Variants in ADAMTS4 observed in about 807,000 individuals in gnomAD.
ADAMTS4 encodes A disintegrin and metalloproteinase with thrombospondin motifs 4.
Under a neutral mutation model 66.7 loss-of-function variants are expected in ADAMTS4, and 38 were observed. The ratio of observed to expected loss-of-function variants is 0.57; its 90% CI spans 0.44 to 0.75. The LOEUF (loss-of-function observed/expected upper bound fraction) is 0.75, where lower values mean the gene tolerates loss of function less well. Ranked by LOEUF, ADAMTS4 falls within the 30% of genes least tolerant of loss-of-function variation. The probability of loss-of-function intolerance (pLI) is 0.00; values close to 1 mark genes in which losing one functional copy is unlikely to be tolerated. For synonymous variants in ADAMTS4, 418 were observed against 461.5 expected (o/e 0.91, Z 1.21); for missense variants, 1,014 against 1,116.7 (o/e 0.91, Z 1.31).
Position 161,193,699 on chromosome 1 carries a change from C to T in ADAMTS4, c.1676G>A (p.Cys559Tyr). ...RPVPRNGGKY[C>Y]EGRRTRFRSC... is the part of the protein sequence containing the mutation. ...GCGGAAGCGGGTACGGCGGCCCTCACAGTACTTGCCACCATTCCGGGGGAC... is the reference window on the plus strand; with the variant it reads ...GCGGAAGCGGGTACGGCGGCCCTCATAGTACTTGCCACCATTCCGGGGGAC... The change falls in exon 6 of 9, where the codon TGT becomes TAT. Residue 559 changes from cysteine to tyrosine, a missense_variant. Cys to Tyr is a radical substitution (Grantham distance 194, BLOSUM62 -2). Transcript: ENST00000367996. The surrounding 1 kb of genome is among the most constrained non-coding windows in gnomAD (Gnocchi z 4.4). The T allele has an allele frequency of 1.2e-6, 2 of 1,614,106 alleles. No homozygotes were observed. The highest frequency in any genetic ancestry group is 8.5e-7 in the Non-Finnish European group (1 of 1,180,004).
Position 161,194,195 on chromosome 1 carries a change from C to T in ADAMTS4, c.1288G>A (p.Ala430Thr), listed in dbSNP as rs565674258. The change falls in exon 5 of 9, where the codon GCT (alanine) becomes ACT (threonine). Residue 430 changes from alanine (A) to threonine (T), a missense_variant. Transcript: ENST00000367996. This position sits in a 1 kb window ranked among gnomAD's most constrained non-coding sequence, Gnocchi z 4.1. ...AAAGTCACAGGCAGATGCAATGGAG[C>T]CTCTGGTTTGTCTAAGAGACAGTGC... ...YGHCLLDKPE[A>T]PLHLPVTFPG... 72 of 1,614,006 alleles carry T rather than the reference C, an allele frequency of 4.5e-5. 1 individual carries two copies. In the South Asian group the frequency reaches 7.9e-4, roughly 18 times the overall value.
chr1:161,196,520 T>G, intron 2 of ADAMTS4, 37 bp downstream of exon 2: 1 of 1,599,600 alleles, frequency 6.3e-7, no homozygotes, highest in Non-Finnish European at 8.5e-7. Flanking sequence ...CTTAGAATTG[T>G]GCAGTGCATG....
At position 161,196,814 on chromosome 1, in the gene ADAMTS4, G is replaced by A. The variant is rs1182057267; in HGVS notation, c.700C>T (p.His234Tyr). ...AGGTAGCGCTTTAGCCCCGCACCGTGGAATGCGGCCATCTTGTCATCTGCC... is the reference window on the plus strand; with the variant it reads ...AGGTAGCGCTTTAGCCCCGCACCGTAGAATGCGGCCATCTTGTCATCTGCC... ...VVADDKMAAF[H>Y]GAGLKRYLLT... Residue 234 changes from histidine to tyrosine, a missense_variant, in exon 2 of 9, where the codon CAC (histidine) becomes TAC (tyrosine). Coordinates refer to ENST00000367996, the MANE Select transcript of ADAMTS4 (RefSeq NM_005099.6). 1 of 1,610,902 alleles carries A rather than the reference G, an allele frequency of 6.2e-7. No individual in the cohort carries two copies. The highest frequency in any genetic ancestry group is 8.5e-7 in the Non-Finnish European group (1 of 1,179,904).
At position 161,192,217 on chromosome 1, in the gene ADAMTS4, G is replaced by A. The variant is rs1664700993; in HGVS notation, c.1935C>T (p.Ser645=). ...GGACACAGACCGAGGAGCTGTCCGG[G>A]GAACAGGGGGTCCCATCTACCACCT... is the stretch of plus-strand genomic sequence containing the variant. The part of the protein sequence containing the change: ...EPRVVDGTPC[S]PDSSSVCVQG... Residue 645 remains serine (S), a synonymous_variant, in exon 8 of 9, where the codon TCC becomes TCT. Coordinates refer to ENST00000367996, the MANE Select transcript of ADAMTS4 (RefSeq NM_005099.6). 1 of 1,613,748 alleles carries A rather than the reference G, an allele frequency of 6.2e-7. No individual in the cohort carries two copies. The highest frequency in any genetic ancestry group is 1.7e-5 in the Admixed American group (1 of 59,976).
At position 161,193,572 on chromosome 1, in the gene ADAMTS4, C is replaced by A; in HGVS notation, c.1735+68G>T. ...GGGAATCAACACCCCCTTGGTCTTG[C>A]ACTCAAGGGACAGTCCTTCCTGCTC... On this transcript the variant is annotated intron_variant, in intron 6 of 8. Transcript: ENST00000367996. The surrounding 1 kb of genome is among the most constrained non-coding windows in gnomAD (Gnocchi z 4.4). The A allele has an allele frequency of 6.5e-7, 1 of 1,543,080 alleles. No homozygotes were observed. Among genetic ancestry groups the A allele is most frequent in the Non-Finnish European group, 8.8e-7 (1 of 1,140,824 alleles).
At chr1:161,192,342 G>T in intron 7 of ADAMTS4, 102 bp from the exon 8 acceptor site, 1 of 1,188,598 alleles carries the variant, frequency 8.4e-7, no homozygotes, top group South Asian at 1.6e-5. Context: ...AATGTTGTCG[G>T]AAAAGTTGGA....
chr1:161,192,326 G>T, intron 7 of ADAMTS4, 86 bp from the exon 8 acceptor site: 1 of 1,373,274 alleles, frequency 7.3e-7, no homozygotes, highest in Non-Finnish European at 9.9e-7. Context: ...GTCCCATCAG[G>T]GAAGCAATGT....
chr1:161,197,789 C>A (rs920292702), intron 1 of ADAMTS4, among the ~76,000 whole-genome samples: 6 of 151,950 alleles, frequency 3.9e-5, no homozygotes, highest in African/African-American at 1.2e-4. Context: ...CTCTGAGAAC[C>A]CTCGGTGGGT....
At position 161,198,810 on chromosome 1, in the gene ADAMTS4, G is replaced by C. The variant is rs978322811; in HGVS notation, c.-183C>G. The C allele has an allele frequency of 1.7e-5, 10 of 573,128 alleles. No individual in the cohort carries two copies. The highest frequency in any genetic ancestry group is 2.7e-5 in the Non-Finnish European group (9 of 338,882). 35.5% of individuals were successfully genotyped at this position (573,128 alleles called of 1,614,324 possible). On this transcript the variant is annotated 5_prime_UTR_variant, in exon 1 of 9. Coordinates refer to ENST00000367996, the MANE Select transcript of ADAMTS4 (RefSeq NM_005099.6). The surrounding 1 kb of genome is among the most constrained non-coding windows in gnomAD (Gnocchi z 4.7). Reference sequence around the variant, plus strand: ...TGGAGAAAACTTAGTCCTTGGGCTTGGGAGAGGTGCCCAGGGGTCTGGCTT... The same window carrying C: ...TGGAGAAAACTTAGTCCTTGGGCTTCGGAGAGGTGCCCAGGGGTCTGGCTT...
At chr1:161,197,924 G>T in intron 1 of ADAMTS4, 71 bp downstream of exon 1, 1 of 1,508,156 alleles carries the variant, frequency 6.6e-7, no homozygotes. Flanking sequence ...GGTGGAGAGA[G>T]GGTGAATAGG....
chr1:161,186,006 A>T lies in ADAMTS4; in HGVS notation c.*5132T>A, dbSNP rs1399872469. 6.6e-6 allele frequency: 1 copy of T among 152,134 alleles called. No homozygotes were observed. Among genetic ancestry groups the T allele is most frequent in the Non-Finnish European group, 1.5e-5 (1 of 68,018 alleles). The allele number at this position is 152,134 out of a possible 1,614,324, so 9.4% of individuals were successfully genotyped here. A position where few individuals can be genotyped will look rare whatever the true frequency, so the allele number is the denominator to read the frequency against. ...AAATGGTTGTCCAAACTCTTCTTGA[A>T]CTTCTCTAGGGACAGGGTTCTAATC... is the stretch of plus-strand genomic sequence containing the variant. On this transcript the variant is annotated 3_prime_UTR_variant, in exon 9 of 9. Coordinates refer to ENST00000367996, the MANE Select transcript of ADAMTS4 (RefSeq NM_005099.6).
In ADAMTS4 at chr1:161,193,598, T is replaced by C; in HGVS notation, c.1735+42A>G. 6.3e-7 allele frequency: 1 copy of C among 1,576,208 alleles called. No homozygotes were observed. On this transcript the variant is annotated intron_variant, in intron 6 of 8. Transcript: ENST00000367996. This position sits in a 1 kb window ranked among gnomAD's most constrained non-coding sequence, Gnocchi z 4.4. ...ACTCAAGGGACAGTCCTTCCTGCTC[T>C]ACTGTCCCCTCCCAAGGGCTCCCAT...
At chr1:161,192,313 C>G in intron 7 of ADAMTS4, 73 bp from the exon 8 acceptor site, 1 of 1,456,200 alleles carries the variant, frequency 6.9e-7, no homozygotes, top group South Asian at 1.3e-5. Flanking sequence ...AAACGAGACC[C>G]ATGTCCCATC....
At position 161,190,040 on chromosome 1, in the gene ADAMTS4, T is replaced by G. The variant is rs1268046807; in HGVS notation, c.*1098A>C. 1 of 151,774 alleles carries G rather than the reference T, an allele frequency of 6.6e-6. No homozygotes were observed. The highest frequency in any genetic ancestry group is 1.5e-5 in the Non-Finnish European group (1 of 68,036). 9.4% of individuals were successfully genotyped at this position (151,774 alleles called of 1,614,324 possible). A position where few individuals can be genotyped will look rare whatever the true frequency, so the allele number is the denominator to read the frequency against. On this transcript the variant is annotated 3_prime_UTR_variant, in exon 9 of 9. Coordinates refer to ENST00000367996, the MANE Select transcript of ADAMTS4 (RefSeq NM_005099.6). The stretch of plus-strand genomic sequence containing the variant: ...CTGGCCAACATGGTGAAACCCTGTC[T>G]CTACTAAAAATACAAAAATTAGTTG...
rs1025465695 is a variant in ADAMTS4, at chr1:161,198,595, G to A, written c.33C>T (p.Gly11=). 3.2e-6 allele frequency: 5 copies of A among 1,541,354 alleles called. No homozygotes were observed. Among genetic ancestry groups the A allele is most frequent in the Non-Finnish European group, 4.4e-6 (5 of 1,141,764 alleles). Reference sequence around the variant, plus strand: ...CTCCCCACAGCCAGCGCCCTGCCAAGCCCCTCCCGGGATGCGAGCCTGTCT... The same window carrying A: ...CTCCCCACAGCCAGCGCCCTGCCAAACCCCTCCCGGGATGCGAGCCTGTCT... MSQTGSHPGR[G]LAGRWLWGAQ... Residue 11 remains glycine (G), a synonymous_variant, in exon 1 of 9, where the codon GGC becomes GGT. Coordinates refer to ENST00000367996, the MANE Select transcript of ADAMTS4 (RefSeq NM_005099.6). The surrounding 1 kb of genome is among the most constrained non-coding windows in gnomAD (Gnocchi z 4.7).
At position 161,191,019 on chromosome 1, in the gene ADAMTS4, T is replaced by G. The variant is rs1571575704; in HGVS notation, c.*119A>C. The G allele has an allele frequency of 8.5e-7, 1 of 1,181,922 alleles. No individual in the cohort carries two copies. 73.2% of individuals were successfully genotyped at this position (1,181,922 alleles called of 1,614,324 possible). On this transcript the variant is annotated 3_prime_UTR_variant, in exon 9 of 9. Coordinates refer to ENST00000367996, the MANE Select transcript of ADAMTS4 (RefSeq NM_005099.6). ...CATTAGGGCAGAGAGGAGGGGCAGG[T>G]CTCACGCCCACAGCCCCTCCCCACT...
In ADAMTS4 at chr1:161,185,907, T is replaced by A. The variant is rs1664533102; in HGVS notation, c.*5231A>T. On this transcript the variant is annotated 3_prime_UTR_variant, in exon 9 of 9. Transcript: ENST00000367996. ...CAGGGGCAGAAGGGACTTTAGGAAATTGGCCCAACTTATTGCTTCAACTTC... is the reference window on the plus strand; with the variant it reads ...CAGGGGCAGAAGGGACTTTAGGAAAATGGCCCAACTTATTGCTTCAACTTC... 1 of 151,734 alleles carries A rather than the reference T, an allele frequency of 6.6e-6. No homozygotes were observed. Among genetic ancestry groups the A allele is most frequent in the Non-Finnish European group, 1.5e-5 (1 of 67,950 alleles). The allele number at this position is 151,734 out of a possible 1,614,324, so 9.4% of individuals were successfully genotyped here.
rs183154679 is a variant in ADAMTS4 at position 161,193,060 on chromosome 1, C to A, written c.1911+153G>T. On this transcript the variant is annotated intron_variant, in intron 7 of 8. Transcript: ENST00000367996. This position sits in a 1 kb window ranked among gnomAD's most constrained non-coding sequence, Gnocchi z 4.4. ...AGTCTGGGGCTCGTTTTCCTGATAC[C>A]CATGTACAGATAAGTCTGAGTGGAA... is the stretch of plus-strand genomic sequence containing the variant. Among the ~76,000 whole-genome samples, 151 of 152,246 alleles carry A rather than the reference C, an allele frequency of 9.9e-4. No individual in the cohort carries two copies. The highest frequency in any genetic ancestry group is 3.5e-3 in the African/African-American group (145 of 41,524).
Position 161,191,208 on chromosome 1 carries a change from T to A in ADAMTS4, c.2444A>T (p.Gln815Leu). 6.2e-7 allele frequency: 1 copy of A among 1,610,142 alleles called. No homozygotes were observed. Among genetic ancestry groups the A allele is most frequent in the Non-Finnish European group, 8.5e-7 (1 of 1,177,368 alleles). Residue 815 changes from glutamine to leucine, a missense_variant, in exon 9 of 9, where the codon CAG becomes CTG. Physicochemically the swap from Gln to Leu is moderately radical, Grantham distance 113. Transcript: ENST00000367996. ...PTPSTPRPTPQDWLHRRAQIL... is the reference protein window; with the variant it reads ...PTPSTPRPTPLDWLHRRAQIL... ...CTGTGCTCTTCGGTGCAGCCAGTCC[T>A]GGGGAGTGGGGCGTGGCGTTGAAGG...
Sources: allele counts gnomAD v4.1 joint callset (sites outside exome capture counted in the v4.1 genomes callset), GRCh38; gene constraint gnomAD v4.1.1; non-coding constraint Gnocchi (gnomAD v3.1); transcripts MANE v1.5; gene names NCBI Gene and HGNC (gene_info 2026-07-23, HGNC 2026-07-21).